Variants in USP25 observed in about 807,000 individuals in gnomAD.
The protein encoded by USP25 is ubiquitin carboxyl-terminal hydrolase 25.
Under a neutral mutation model 158.5 loss-of-function variants are expected in USP25, and 85 were observed. That is an observed-to-expected ratio of 0.54 (90% CI 0.45 to 0.64). The LOEUF is 0.64. Ranked by LOEUF, USP25 falls within the 30% of genes least tolerant of loss-of-function variation. USP25 has a pLI of 0.00. For missense variants in USP25, 1,242 were observed against 1,327.3 expected, an observed-to-expected ratio of 0.94 and a Z score of 1.00; for synonymous variants, 464 against 460.4, an observed-to-expected ratio of 1.01 and a Z score of -0.10.
In USP25 at chr21:15,826,884, T is replaced by C. The variant is rs2037531869; in HGVS notation, c.1467-93T>C. 7.8e-7 allele frequency: 1 copy of C among 1,279,438 alleles called. No homozygotes were observed. Among genetic ancestry groups the C allele is most frequent in the Admixed American group, 2.2e-5 (1 of 46,150 alleles). 79.3% of individuals were successfully genotyped at this position (1,279,438 alleles called of 1,614,324 possible). A position where few individuals can be genotyped will look rare whatever the true frequency, so the allele number is the denominator to read the frequency against. The stretch of plus-strand genomic sequence containing the variant: ...TTCTTTAAGATTTTTTCTTTTGAAT[T>C]ACAAGCCAATTTAATACTGTGGGTT... On this transcript the variant is annotated intron_variant, in intron 13 of 25. Coordinates refer to ENST00000400183, the MANE Select transcript of USP25 (RefSeq NM_001283041.3). This position sits in a 1 kb window ranked among gnomAD's most constrained non-coding sequence, Gnocchi z 4.8.
intron 16 of USP25, 39 bp downstream of exon 16, chr21:15,831,668 A>G: frequency 6.4e-7 from 1 of 1,557,190 alleles, no homozygotes; most frequent in Admixed American, 1.7e-5. Context: ...TTAAATAGTC[A>G]TAAAAGTGGC....
intron 10 of USP25, among the ~76,000 whole-genome samples, chr21:15,819,701 T>C (rs191450783): frequency 1.6e-4 from 24 of 152,266 alleles, no homozygotes; most frequent in African/African-American, 5.5e-4. Context: ...AGGTGCTTAA[T>C]AAATATTAAG....
At chr21:15,730,765 GAGAAAGA>G (rs1393982112) in intron 1 of USP25, among the ~76,000 whole-genome samples, 1 of 152,164 alleles carries the variant, frequency 6.6e-6, no homozygotes, top group Non-Finnish European at 1.5e-5. Context: ...CCCCTTAAAT[GAGAAAGA>G]ATAGCTAGTT....
intron 1 of USP25, among the ~76,000 whole-genome samples, chr21:15,737,912 C>T (rs191348151): frequency 6.6e-6 from 1 of 151,370 alleles, no homozygotes; most frequent in African/African-American, 2.4e-5. Context: ...ATTTGAAAAT[C>T]TGAAATCTGA....
intron 1 of USP25, among the ~76,000 whole-genome samples, chr21:15,744,586 T>TTTGTTG (rs10635610): frequency 1.1e-4 from 16 of 150,872 alleles, no homozygotes; most frequent in African/African-American, 3.7e-4. Context: ...GGTCTGCAGT[T>TTTGTTG]TTGTTGTTGT....
Position 15,790,248 on chromosome 21 carries a change from T to C in USP25, c.393-1254T>C, listed in dbSNP as rs146964022. Among the ~76,000 whole-genome samples the C allele has an allele frequency of 3.2e-3, 492 of 152,164 alleles. 2 individuals are homozygous for C. Among genetic ancestry groups the C allele is most frequent in the African/African-American group, 0.011 (474 of 41,532 alleles). On this transcript the variant is annotated intron_variant, in intron 4 of 25. Coordinates refer to ENST00000400183, the MANE Select transcript of USP25 (RefSeq NM_001283041.3). The stretch of plus-strand genomic sequence containing the variant: ...TTGGTTTTTGGGCAGAGAGTAGTGC[T>C]GGCCAGTCGGGTCACTCTTAAGTGT...
At chr21:15,776,397 T>G (rs761017207) in intron 3 of USP25, among the ~76,000 whole-genome samples, 1 of 152,126 alleles carries the variant, frequency 6.6e-6, no homozygotes, top group Non-Finnish European at 1.5e-5. Flanking sequence ...ATTTTAAATC[T>G]TCTTACAAGC....
chr21:15,759,184 G>C (rs1321916890), intron 1 of USP25, among the ~76,000 whole-genome samples: 1 of 152,166 alleles, frequency 6.6e-6, no homozygotes, highest in African/African-American at 2.4e-5. Context: ...ATTGAATAAA[G>C]ATAATTTCTG....
In USP25 at chr21:15,842,139, A is replaced by C. The variant is rs533326080; in HGVS notation, c.2195-259A>C. Among the ~76,000 whole-genome samples, 26 of 152,298 alleles carry C rather than the reference A, an allele frequency of 1.7e-4. No homozygotes were observed. In the Middle Eastern group the frequency reaches 0.01, roughly 60 times the overall value. Reference sequence around the variant, plus strand: ...AGCTTTTGTTATTTCTCATGGCAGAAAAATTTACTGTGAATTCCTTACCAT... The same window carrying C: ...AGCTTTTGTTATTTCTCATGGCAGACAAATTTACTGTGAATTCCTTACCAT... On this transcript the variant is annotated intron_variant, in intron 17 of 25. Transcript: ENST00000400183.
intron 7 of USP25, 93 bp downstream of exon 7, chr21:15,805,351 T>A (rs1445031886): frequency 1.7e-6 from 2 of 1,206,322 alleles, no homozygotes. Context: ...CTATTTGAGA[T>A]GCATGATTCT....
chr21:15,815,430 A>C (rs892269860), intron 9 of USP25, among the ~76,000 whole-genome samples: 5 of 152,158 alleles, frequency 3.3e-5, no homozygotes, highest in Admixed American at 1.3e-4. Context: ...GATAGCTTGC[A>C]TTGTGTACCT....
chr21:15,776,564 C>T (rs1353936993), intron 3 of USP25, among the ~76,000 whole-genome samples: 3 of 151,534 alleles, frequency 2.0e-5, no homozygotes, highest in Non-Finnish European at 4.4e-5. Context: ...CCTCCCCATC[C>T]TCTATCCTGT....
At chr21:15,869,810 G>T (rs980226665) in intron 22 of USP25, among the ~76,000 whole-genome samples, 17 of 151,984 alleles carry the variant, frequency 1.1e-4, no homozygotes, top group Admixed American at 8.5e-4. Flanking sequence ...TTATATTTCT[G>T]TTATCTGCTA....
intron 4 of USP25, among the ~76,000 whole-genome samples, chr21:15,789,490 C>G (rs577335096): frequency 6.6e-6 from 1 of 152,004 alleles, no homozygotes; most frequent in Non-Finnish European, 1.5e-5. Context: ...TTAAATATAA[C>G]GACAGATGTT....
At chr21:15,731,380 G>A (rs2123124346) in intron 1 of USP25, among the ~76,000 whole-genome samples, 1 of 152,200 alleles carries the variant, frequency 6.6e-6, no homozygotes, top group Non-Finnish European at 1.5e-5. Context: ...GGACAGTTAG[G>A]GTTTACTGTG....
chr21:15,789,858 C>A (rs978561528), intron 4 of USP25, among the ~76,000 whole-genome samples: 2 of 151,952 alleles, frequency 1.3e-5, no homozygotes, highest in Non-Finnish European at 2.9e-5. Flanking sequence ...AGTTAAATAT[C>A]CCCTCTATAT....
intron 1 of USP25, among the ~76,000 whole-genome samples, chr21:15,743,350 G>T (rs73181993): frequency 6.6e-6 from 1 of 152,262 alleles, no homozygotes; most frequent in Non-Finnish European, 1.5e-5. Context: ...TTTTTGTCCA[G>T]TGACCAAGAA....
chr21:15,751,255 C>T (rs908848473), intron 1 of USP25, among the ~76,000 whole-genome samples: 2 of 152,116 alleles, frequency 1.3e-5, no homozygotes, highest in African/African-American at 4.8e-5. Flanking sequence ...CTGCCAGTAG[C>T]TCTTTTGAAG....
chr21:15,871,388 G>A (rs1413585352), intron 23 of USP25, among the ~76,000 whole-genome samples: 3 of 152,112 alleles, frequency 2.0e-5, no homozygotes, highest in African/African-American at 7.2e-5. Context: ...GAAAAATAAT[G>A]TGATCGTATA....
Sources: allele counts gnomAD v4.1 joint callset (sites outside exome capture counted in the v4.1 genomes callset), GRCh38; gene constraint gnomAD v4.1.1; non-coding constraint Gnocchi (gnomAD v3.1); transcripts MANE v1.5; gene names NCBI Gene and HGNC (gene_info 2026-07-23, HGNC 2026-07-21).